FAM149A: variants seen among roughly 807,000 people sequenced by gnomAD.
The protein encoded by FAM149A is protein FAM149A.
Under a neutral mutation model 78.2 loss-of-function variants are expected in FAM149A, and 71 were observed. The observed-to-expected ratio is 0.91, with a 90% CI of 0.75 to 1.11. The LOEUF (loss-of-function observed/expected upper bound fraction) is 1.11, where lower values mean the gene tolerates loss of function less well. Among genes scored for constraint, FAM149A ranks in the 50% least tolerant of loss-of-function variants. The pLI is 0.00. For missense variants in FAM149A, 1,036 were observed against 971.0 expected (o/e 1.07, Z -0.89); for synonymous variants, 446 against 410.5 (o/e 1.09, Z -1.04).
intron 13 of FAM149A, among the ~76,000 whole-genome samples, chr4:186,168,334 A>C (rs968176356): frequency 1.3e-5 from 2 of 152,182 alleles, no homozygotes; most frequent in Non-Finnish European, 2.9e-5. Flanking sequence ...GCCATGCTAC[A>C]TGGTCAGGTG....
chr4:186,167,169 T>A lies in FAM149A; in HGVS notation c.2140-15T>A. 4.4e-6 allele frequency: 7 copies of A among 1,607,542 alleles called. No homozygotes were observed. Among genetic ancestry groups the A allele is most frequent in the Non-Finnish European group, 6.0e-6 (7 of 1,174,822 alleles). On this transcript the variant is annotated splice_polypyrimidine_tract_variant and intron_variant, in intron 12 of 13. Transcript: ENST00000389354. ...AAAATGAAACTTGTCCCTGATTTTATTTTTCTTCCAGCAGTCGGATACGCC... is the reference window on the plus strand; with the variant it reads ...AAAATGAAACTTGTCCCTGATTTTAATTTTCTTCCAGCAGTCGGATACGCC...
chr4:186,131,324 G>C (rs2099320633), intron 1 of FAM149A, among the ~76,000 whole-genome samples: 1 of 148,726 alleles, frequency 6.7e-6, no homozygotes, highest in African/African-American at 2.5e-5. Context: ...CTCCAGTCTG[G>C]GTGACAGAGC....
chr4:186,111,599 C>T (rs868379343), intron 1 of FAM149A, among the ~76,000 whole-genome samples: 237 of 151,746 alleles, frequency 1.6e-3, no homozygotes, highest in Non-Finnish European at 2.5e-3. Context: ...GATCCACTTT[C>T]AGCTTTCTAC....
At chr4:186,109,976 T>C (rs745687226) in intron 1 of FAM149A, 8 of 985,450 alleles carry the variant, frequency 8.1e-6, no homozygotes, top group Non-Finnish European at 9.6e-6. Context: ...GGGATCAAAC[T>C]TTTAATCTGC....
intron 1 of FAM149A, among the ~76,000 whole-genome samples, chr4:186,119,229 C>A (rs936031413): frequency 7.9e-5 from 12 of 152,090 alleles, no homozygotes; most frequent in Non-Finnish European, 1.3e-4. Context: ...CACAGACACA[C>A]ATTTAACAGG....
intron 2 of FAM149A, 137 bp downstream of exon 2, chr4:186,149,420 T>G: frequency 9.0e-7 from 1 of 1,105,952 alleles, no homozygotes; most frequent in African/African-American, 1.6e-5. Context: ...CATCACACTG[T>G]AAAAATATTT....
At position 186,164,368 on chromosome 4, in the gene FAM149A, C is replaced by T. The variant is rs1734848003; in HGVS notation, c.1889+735C>T. The T allele has an allele frequency of 1.6e-6, 1 of 623,146 alleles. No homozygotes were observed. 38.6% of individuals were successfully genotyped at this position (623,146 alleles called of 1,614,324 possible). A position where few individuals can be genotyped will look rare whatever the true frequency, so the allele number is the denominator to read the frequency against. ...AGGAAGAGGCCCAGCCGGACACACC[C>T]ACAAGTGCTCTCAGGCTTTAGAGAC... On this transcript the variant is annotated intron_variant, in intron 10 of 13. Coordinates refer to ENST00000389354, the MANE Select transcript of FAM149A (RefSeq NM_001367768.3). This position sits in a 1 kb window ranked among gnomAD's most constrained non-coding sequence, Gnocchi z 4.0.
At position 186,104,716 on chromosome 4, in the gene FAM149A, G is replaced by T. The variant is rs1477283429; in HGVS notation, c.-361G>T. Among the ~76,000 whole-genome samples, 1 of 149,074 alleles carries T rather than the reference G, an allele frequency of 6.7e-6. No individual in the cohort carries two copies. Among genetic ancestry groups the T allele is most frequent in the South Asian group, 2.1e-4 (1 of 4,662 alleles). On this transcript the variant is annotated 5_prime_UTR_variant, in exon 1 of 14. Transcript: ENST00000389354. ...CTGGGGCCCAATTAGCCTGGAGCGCGGCCGGGTGTGTTGAACGTAGCAACC... is the reference window on the plus strand; with the variant it reads ...CTGGGGCCCAATTAGCCTGGAGCGCTGCCGGGTGTGTTGAACGTAGCAACC...
intron 1 of FAM149A, chr4:186,133,244 T>C: frequency 1.0e-6 from 1 of 959,754 alleles, no homozygotes; most frequent in African/African-American, 1.8e-5. Context: ...AGTGTACCAT[T>C]TAGTGGCATT....
At chr4:186,151,482 GA>G (rs773877538) in intron 3 of FAM149A, among the ~76,000 whole-genome samples, 7 of 151,650 alleles carry the variant, frequency 4.6e-5, no homozygotes, top group East Asian at 3.9e-4. Context: ...ATCACCAGAA[GA>G]AAAAAAAATC....
chr4:186,149,732 T>G (rs1199528948), intron 3 of FAM149A, 28 bp downstream of exon 3: 1 of 1,246,434 alleles, frequency 8.0e-7, no homozygotes, highest in East Asian at 5.7e-5. Flanking sequence ...TTGGATAATC[T>G]TGTAATTACA....
At position 186,154,535 on chromosome 4, in the gene FAM149A, G is replaced by A. The variant is rs1183211593; in HGVS notation, c.1126G>A (p.Asp376Asn). 1.9e-6 allele frequency: 3 copies of A among 1,613,920 alleles called. No homozygotes were observed. Among genetic ancestry groups the A allele is most frequent in the East Asian group, 2.2e-5 (1 of 44,890 alleles). Reference sequence around the variant, plus strand: ...AGCCTCTGCCCTGCCAGGCCCTGATGACACAGGGGTTGCTGACCTAACGGC... The same window carrying A: ...AGCCTCTGCCCTGCCAGGCCCTGATAACACAGGGGTTGCTGACCTAACGGC... The change falls in exon 6 of 14, where the codon GAC becomes AAC. Residue 376 changes from aspartate (D) to asparagine (N), a missense_variant. Physicochemically the swap from Asp to Asn is conservative, Grantham distance 23 (BLOSUM62 1). Coordinates refer to ENST00000389354, the MANE Select transcript of FAM149A (RefSeq NM_001367768.3).
At chr4:186,122,530 C>T (rs557658846) in intron 1 of FAM149A, among the ~76,000 whole-genome samples, 9 of 152,250 alleles carry the variant, frequency 5.9e-5, no homozygotes, top group African/African-American at 2.2e-4. Flanking sequence ...ATGATATTTG[C>T]AACTTCCTTT....
chr4:186,142,051 A>G (rs1017548270), intron 1 of FAM149A, among the ~76,000 whole-genome samples: 19 of 151,856 alleles, frequency 1.3e-4, no homozygotes, highest in African/African-American at 4.6e-4. Context: ...TTAGTTGCAA[A>G]CCTAGGCCAT....
Position 186,174,705 on chromosome 4 carries a change from G to A in FAM149A, c.*2718G>A, listed in dbSNP as rs1735669436. Among the ~76,000 whole-genome samples, 1 of 110,838 alleles carries A rather than the reference G, an allele frequency of 9.0e-6. No homozygotes were observed. The highest frequency in any genetic ancestry group is 8.8e-5 in the Admixed American group (1 of 11,312). The allele number at this position is 110,838 out of a possible 152,430, so 72.7% of individuals were successfully genotyped here. On this transcript the variant is annotated 3_prime_UTR_variant, in exon 14 of 14. Transcript: ENST00000389354. ...AGAGATTACATAGAGACTTGGCCCTGTCATTGATTTTAAAAATGACCTTCT... is the reference window on the plus strand; with the variant it reads ...AGAGATTACATAGAGACTTGGCCCTATCATTGATTTTAAAAATGACCTTCT...
intron 2 of FAM149A, 90 bp from the exon 3 acceptor site, chr4:186,149,476 A>G: frequency 5.0e-6 from 6 of 1,203,220 alleles, no homozygotes; most frequent in Non-Finnish European, 5.4e-6. Context: ...TAATGAAAGA[A>G]AGAGGAAGCA....
At chr4:186,138,566 G>A (rs992477996) in intron 1 of FAM149A, among the ~76,000 whole-genome samples, 7 of 152,106 alleles carry the variant, frequency 4.6e-5, no homozygotes, top group Admixed American at 2.0e-4. Flanking sequence ...GAGTTGTCAC[G>A]TCTCCTCAGT....
intron 5 of FAM149A, 30 bp from the exon 6 acceptor site, chr4:186,154,438 T>A: frequency 6.4e-7 from 1 of 1,574,112 alleles, no homozygotes; most frequent in South Asian, 1.2e-5. Context: ...TTCTATAAAC[T>A]CCCATGTAGA....
At chr4:186,167,341 C>A in intron 13 of FAM149A, 79 bp downstream of exon 13, 1 of 1,320,936 alleles carries the variant, frequency 7.6e-7, no homozygotes, top group Non-Finnish European at 1.1e-6. Context: ...GGAAGATGAT[C>A]TACCTTGATA....
Sources: gnomAD v4.1 joint callset for allele counts (sites outside exome capture counted in the v4.1 genomes callset) on GRCh38, gnomAD v4.1.1 for gene constraint, Gnocchi (gnomAD v3.1) non-coding constraint, MANE v1.5 for transcripts, NCBI Gene and HGNC (gene_info 2026-07-23, HGNC 2026-07-21) for gene names.